The following PPP3CA variants were observed in gnomAD, a reference collection of about 807,000 sequenced individuals.
PPP3CA encodes the protein CAM-PRP catalytic subunit.
PPP3CA carries 14 observed loss-of-function variants against 66.5 expected under a neutral mutation model. The observed-to-expected ratio is 0.21, with a 90% confidence interval of 0.14 to 0.33. The LOEUF is 0.33. Ranked by LOEUF, PPP3CA falls within the 10% of genes least tolerant of loss-of-function variation. The pLI is 1.00. For missense variants in PPP3CA, 317 were observed against 639.5 expected, an observed-to-expected ratio of 0.50 and a Z score of 5.44; for synonymous variants, 232 against 226.2, an observed-to-expected ratio of 1.03 and a Z score of -0.23.
chr4:101,124,458 T>C (rs1417542243), intron 2 of PPP3CA, among the ~76,000 whole-genome samples: 1 of 151,686 alleles, frequency 6.6e-6, no homozygotes, highest in Admixed American at 6.6e-5. Context: ...ACTCCGTCTC[T>C]ACTAAAACAA....
intron 8 of PPP3CA, among the ~76,000 whole-genome samples, chr4:101,079,815 T>C (rs1466475976): frequency 6.6e-6 from 1 of 152,244 alleles, no homozygotes; most frequent in East Asian, 1.9e-4. Context: ...CTCTTCTTCT[T>C]TTCCCTGTAG....
At chr4:101,127,513 A>G (rs1722284650) in intron 2 of PPP3CA, among the ~76,000 whole-genome samples, 1 of 152,160 alleles carries the variant, frequency 6.6e-6, no homozygotes, top group Admixed American at 6.5e-5. Context: ...AGCCAAAAAA[A>G]GGCCTGGAGC....
chr4:101,121,529 T>C (rs1166701657), intron 2 of PPP3CA, among the ~76,000 whole-genome samples: 1 of 152,134 alleles, frequency 6.6e-6, no homozygotes, highest in Non-Finnish European at 1.5e-5. Flanking sequence ...CCTACAGTTA[T>C]ATTGTATATA....
intron 1 of PPP3CA, among the ~76,000 whole-genome samples, chr4:101,204,146 C>T (rs538010370): frequency 7.9e-5 from 12 of 151,984 alleles, no homozygotes; most frequent in Non-Finnish European, 1.8e-4. Context: ...GCTGGGACCA[C>T]AGGTGCATGC....
intron 1 of PPP3CA, among the ~76,000 whole-genome samples, chr4:101,273,604 C>T (rs1001620214): frequency 2.0e-5 from 3 of 152,184 alleles, no homozygotes; most frequent in Admixed American, 6.5e-5. Flanking sequence ...GGATTAGAGG[C>T]GTGAGCCACC....
chr4:101,124,753 AAG>A (rs1370067345), intron 2 of PPP3CA, among the ~76,000 whole-genome samples: 1 of 124,160 alleles, frequency 8.1e-6, no homozygotes, highest in African/African-American at 3.5e-5. Context: ...GAAAGAAAGA[AAG>A]AAAGAAAGAA....
intron 1 of PPP3CA, among the ~76,000 whole-genome samples, chr4:101,346,325 C>T (rs1312607958): frequency 2.0e-5 from 3 of 152,106 alleles, no homozygotes; most frequent in African/African-American, 7.2e-5. Flanking sequence ...CATCAATCAC[C>T]CCTCCCTCTG....
At chr4:101,073,212 C>T (rs1728995648) in intron 8 of PPP3CA, among the ~76,000 whole-genome samples, 2 of 147,790 alleles carry the variant, frequency 1.4e-5, no homozygotes, top group Non-Finnish European at 3.0e-5. Flanking sequence ...TTCTTTTCTA[C>T]CACCATATAT....
At chr4:101,298,841 CTGTGTGTGTGTGTGTG>C (rs57507050) in intron 1 of PPP3CA, among the ~76,000 whole-genome samples, 3,061 of 140,076 alleles carry the variant, frequency 0.022, 98 homozygotes, top group African/African-American at 0.067. Context: ...CAAGGGTCTA[CTGTGTGTGTGTGTGTG>C]TGTGTGTGTG....
rs1272524236 is a variant in PPP3CA, at chr4:101,255,053, A to G, written c.59-58937T>C. 7.3e-5 allele frequency among the ~76,000 whole-genome samples: 11 copies of G among 151,502 alleles called. No homozygotes were observed. The East Asian group carries it at 1.2e-3, about 16-fold the overall frequency. ...CCCGTCTCAAAAAAAAAAAAAAAAA[A>G]AAGAAGCATGAGTCCCAGGACAAGA... is the stretch of plus-strand genomic sequence containing the variant. On this transcript the variant is annotated intron_variant, in intron 1 of 13. Transcript: ENST00000394854.
At chr4:101,321,180 C>T (rs750370902) in intron 1 of PPP3CA, among the ~76,000 whole-genome samples, 14 of 152,160 alleles carry the variant, frequency 9.2e-5, no homozygotes, top group Non-Finnish European at 1.6e-4. Flanking sequence ...TTCTCACCTA[C>T]ATTTTATAGA....
At chr4:101,242,354 C>T (rs968082057) in intron 1 of PPP3CA, among the ~76,000 whole-genome samples, 1 of 151,784 alleles carries the variant, frequency 6.6e-6, no homozygotes. Context: ...TGTGAGATGA[C>T]CTGAAAACTA....
intron 2 of PPP3CA, among the ~76,000 whole-genome samples, chr4:101,124,701 GAAAGAAAGAAAGAA>G (rs1560614300): frequency 4.2e-5 from 4 of 94,444 alleles, no homozygotes; most frequent in East Asian, 2.9e-4. Flanking sequence ...AAGAAAGAAA[GAAAGAAAGAAAGAA>G]AGAAAGAAAG....
chr4:101,027,265 A>AGG (rs1302932673), intron 13 of PPP3CA, among the ~76,000 whole-genome samples: 77 of 147,266 alleles, frequency 5.2e-4, no homozygotes, highest in African/African-American at 7.8e-4. Flanking sequence ...TGGGGGGGAA[A>AGG]AAAAAAAAAA....
chr4:101,159,328 T>G lies in PPP3CA; in HGVS notation c.259+36588A>C, dbSNP rs1367729455. Among the ~76,000 whole-genome samples, 4 of 152,210 alleles carry G rather than the reference T, an allele frequency of 2.6e-5. No individual in the cohort carries two copies. In the East Asian group the frequency reaches 5.8e-4, roughly 22 times the overall value. On this transcript the variant is annotated intron_variant, in intron 2 of 13. Coordinates refer to ENST00000394854, the MANE Select transcript of PPP3CA (RefSeq NM_000944.5). ...ACTAGGTACTCACCAGTTTTTTCCC[T>G]CTATCTCTTATCTCCTTACCCCATA...
rs534812353 is a variant in PPP3CA, at chr4:101,339,028, C to G, written c.58+7711G>C. 5.4e-4 allele frequency among the ~76,000 whole-genome samples: 82 copies of G among 152,306 alleles called. 1 individual carries two copies. The highest frequency in any genetic ancestry group is 1.9e-3 in the African/African-American group (80 of 41,564). On this transcript the variant is annotated intron_variant, in intron 1 of 13. Transcript: ENST00000394854. ...TGGCTCAAAGCCCACTTGTGAGAAT[C>G]TAAGGAGACAGCAGCGTTAGTGCCA...
In PPP3CA at chr4:101,241,617, T is replaced by C. The variant is rs560019074; in HGVS notation, c.59-45501A>G. Among the ~76,000 whole-genome samples, 23 of 152,258 alleles carry C rather than the reference T, an allele frequency of 1.5e-4. No individual in the cohort carries two copies. The South Asian group carries it at 3.7e-3, about 25-fold the overall frequency. On this transcript the variant is annotated intron_variant, in intron 1 of 13. Transcript: ENST00000394854. ...AATGCTTACTATTTTCCAGGTCCTG[T>C]TTTAAAGACTAGAAATATTAACCTG... is the stretch of plus-strand genomic sequence containing the variant.
intron 2 of PPP3CA, among the ~76,000 whole-genome samples, chr4:101,155,032 T>G (rs775031470): frequency 2.0e-5 from 3 of 151,938 alleles, no homozygotes; most frequent in Admixed American, 6.6e-5. Flanking sequence ...GGCCAGGATG[T>G]TCTCAATTTC....
At chr4:101,256,410 T>A (rs1726844601) in intron 1 of PPP3CA, among the ~76,000 whole-genome samples, 1 of 151,980 alleles carries the variant, frequency 6.6e-6, no homozygotes. Context: ...GCTAATTACA[T>A]GATGGTACAT....
Sources: gnomAD v4.1 joint callset for allele counts (sites outside exome capture counted in the v4.1 genomes callset) on GRCh38, gnomAD v4.1.1 for gene constraint, MANE v1.5 for transcripts, NCBI Gene and HGNC (gene_info 2026-07-23, HGNC 2026-07-21) for gene names.